The following CABCOCO1 variants were observed in gnomAD, a reference collection of about 807,000 sequenced individuals.
The protein encoded by CABCOCO1 is ciliary associated calcium binding coiled-coil 1, also known as ciliary-associated calcium-binding coiled-coil protein 1.
CABCOCO1 carries 28 observed loss-of-function variants against 35.7 expected under a neutral mutation model. The ratio of observed to expected loss-of-function variants is 0.78; its 90% CI spans 0.58 to 1.07. The LOEUF is 1.07. Among genes scored for constraint, CABCOCO1 ranks in the 50% least tolerant of loss-of-function variants. The pLI is 0.00. For synonymous variants in CABCOCO1, 95 were observed against 100.1 expected (o/e 0.95, Z 0.30); for missense variants, 326 against 309.2 (o/e 1.05, Z -0.41).
chr10:61,754,576 C>G (rs1313728860), intron 5 of CABCOCO1, among the ~76,000 whole-genome samples: 2 of 152,088 alleles, frequency 1.3e-5, no homozygotes, highest in African/African-American at 4.8e-5. Context: ...CTTTAATCAT[C>G]TAACTTTTTA....
intron 5 of CABCOCO1, among the ~76,000 whole-genome samples, chr10:61,728,006 A>G (rs1193809714): frequency 1.3e-5 from 2 of 152,216 alleles, no homozygotes; most frequent in African/African-American, 4.8e-5. Context: ...AATTGGTTTT[A>G]AATTTTATTT....
intron 7 of CABCOCO1, among the ~76,000 whole-genome samples, chr10:61,764,785 A>C (rs1024901078): frequency 6.6e-6 from 1 of 152,014 alleles, no homozygotes; most frequent in African/African-American, 2.4e-5. Flanking sequence ...GAACCAGAAA[A>C]GACTGATACT....
chr10:61,762,552 T>C (rs1276580950), intron 7 of CABCOCO1, among the ~76,000 whole-genome samples: 1 of 152,110 alleles, frequency 6.6e-6, no homozygotes, highest in African/African-American at 2.4e-5. Context: ...AATTTTTCAA[T>C]GAAATAGCAT....
In CABCOCO1 at chr10:61,680,408, CATATATAAT is replaced by C. The variant is rs1324201272; in HGVS notation, c.165-728_165-720del. On this transcript the variant is annotated intron_variant, in intron 2 of 7. Coordinates refer to ENST00000648843, the MANE Select transcript of CABCOCO1 (RefSeq NM_001366906.2). ...ATAATATATATATTTTTATATATAA[CATATATAAT>C]ATATATTTATATATTAACATATATA... Among the ~76,000 whole-genome samples the C allele has an allele frequency of 5.0e-4, 63 of 124,770 alleles. No individual in the cohort carries two copies. The South Asian group carries it at 0.014, about 28-fold the overall frequency. The allele number at this position is 124,770 out of a possible 152,430, so 81.9% of individuals were successfully genotyped here.
At chr10:61,694,594 T>A (rs986875880) in intron 5 of CABCOCO1, among the ~76,000 whole-genome samples, 2 of 151,910 alleles carry the variant, frequency 1.3e-5, no homozygotes, top group Non-Finnish European at 2.9e-5. Context: ...GGTCAACACT[T>A]CCACTGAGAA....
chr10:61,665,882 G>A (rs1839156217), intron 1 of CABCOCO1, among the ~76,000 whole-genome samples: 2 of 102,896 alleles, frequency 1.9e-5, no homozygotes. Flanking sequence ...GCGAGACTCC[G>A]TCTCAAAAAA....
chr10:61,688,315 A>G (rs986435791), intron 4 of CABCOCO1, among the ~76,000 whole-genome samples: 8 of 152,208 alleles, frequency 5.3e-5, no homozygotes, highest in Non-Finnish European at 1.2e-4. Flanking sequence ...TAAAAGCCCT[A>G]GTCAATTTTG....
intron 5 of CABCOCO1, among the ~76,000 whole-genome samples, chr10:61,744,110 G>A (rs1332495463): frequency 6.6e-6 from 1 of 152,094 alleles, no homozygotes; most frequent in Non-Finnish European, 1.5e-5. Flanking sequence ...TAATATAAAT[G>A]AGAGTTTATA....
At chr10:61,697,773 CTT>C (rs922597113) in intron 5 of CABCOCO1, among the ~76,000 whole-genome samples, 9 of 152,020 alleles carry the variant, frequency 5.9e-5, no homozygotes, top group Non-Finnish European at 1.2e-4. Flanking sequence ...TATAAACAAA[CTT>C]ATTAACATAT....
At chr10:61,740,743 G>C (rs1279779437) in intron 5 of CABCOCO1, among the ~76,000 whole-genome samples, 4 of 152,090 alleles carry the variant, frequency 2.6e-5, no homozygotes, top group Non-Finnish European at 5.9e-5. Context: ...TTAAAATATA[G>C]TGGAATATGA....
chr10:61,753,431 T>C (rs889606937), intron 5 of CABCOCO1, among the ~76,000 whole-genome samples: 2 of 152,082 alleles, frequency 1.3e-5, no homozygotes, highest in Non-Finnish European at 2.9e-5. Context: ...AGTTGCAAGG[T>C]AAGGTCAATC....
At chr10:61,742,053 T>A (rs1436361390) in intron 5 of CABCOCO1, among the ~76,000 whole-genome samples, 5 of 152,096 alleles carry the variant, frequency 3.3e-5, no homozygotes, top group Non-Finnish European at 5.9e-5. Context: ...AACAGGATAG[T>A]GGCGTGGAAG....
chr10:61,670,977 C>T (rs1351715229), intron 1 of CABCOCO1, among the ~76,000 whole-genome samples: 1 of 152,214 alleles, frequency 6.6e-6, no homozygotes, highest in Non-Finnish European at 1.5e-5. Context: ...GAAATCAACT[C>T]AACATCTTGC....
intron 1 of CABCOCO1, among the ~76,000 whole-genome samples, chr10:61,665,941 G>C (rs143250052): frequency 1.3e-5 from 2 of 151,700 alleles, no homozygotes; most frequent in South Asian, 2.1e-4. Context: ...CACTTACAAG[G>C]AATATACTTC....
At chr10:61,699,354 T>C (rs1056026940) in intron 5 of CABCOCO1, among the ~76,000 whole-genome samples, 1 of 152,124 alleles carries the variant, frequency 6.6e-6, no homozygotes, top group Non-Finnish European at 1.5e-5. Context: ...GCAAAATAAC[T>C]GATAAATGGC....
chr10:61,748,320 C>T (rs1057469200), intron 5 of CABCOCO1, among the ~76,000 whole-genome samples: 21 of 152,182 alleles, frequency 1.4e-4, no homozygotes, highest in African/African-American at 4.6e-4. Flanking sequence ...TTCTTAGCTA[C>T]CTGCCAGGCA....
chr10:61,687,328 A>G (rs1443717814), intron 4 of CABCOCO1, among the ~76,000 whole-genome samples: 1 of 152,192 alleles, frequency 6.6e-6, no homozygotes, highest in Non-Finnish European at 1.5e-5. Context: ...CGGTAATCCA[A>G]AATTGGAGGA....
At chr10:61,698,769 A>C (rs554766597) in intron 5 of CABCOCO1, among the ~76,000 whole-genome samples, 174 of 152,252 alleles carry the variant, frequency 1.1e-3, no homozygotes, top group Non-Finnish European at 1.9e-3. Context: ...TAAAAACATA[A>C]ATTTTATTTT....
At chr10:61,746,485 G>C (rs1046321884) in intron 5 of CABCOCO1, among the ~76,000 whole-genome samples, 4 of 152,110 alleles carry the variant, frequency 2.6e-5, no homozygotes, top group Admixed American at 1.3e-4. Context: ...ATCATGGCTG[G>C]TGCTTGGTCT....
Sources: gnomAD v4.1 joint callset for allele counts (sites outside exome capture counted in the v4.1 genomes callset) on GRCh38, gnomAD v4.1.1 for gene constraint, MANE v1.5 for transcripts, NCBI Gene and HGNC (gene_info 2026-07-23, HGNC 2026-07-21) for gene names.